The following LY6G6C variants were observed in gnomAD, a reference collection of about 807,000 sequenced individuals.
LY6G6C encodes the protein lymphocyte antigen 6 family member G6C.
In LY6G6C, 12 loss-of-function variants were observed where a neutral mutation model predicts 12.8. The observed-to-expected ratio is 0.94, with a 90% CI of 0.60 to 1.52. LY6G6C has a LOEUF of 1.52. Ranked by LOEUF, LY6G6C falls within the 40% of genes most tolerant of loss-of-function variation. LY6G6C has a pLI of 0.00. For synonymous variants in LY6G6C, 42 were observed against 61.6 expected (o/e 0.68, Z 1.49); for missense variants, 125 against 155.8 (o/e 0.80, Z 1.05).
chr6:31,718,915 A>G lies in LY6G6C; in HGVS notation c.*181T>C. ...TGGAAGGAAGTGGGAAGGGACCCAG[A>G]AAAAGGAGAGTGAAGGGTGTGAGGT... On this transcript the variant is annotated 3_prime_UTR_variant, in exon 3 of 3. Transcript: ENST00000375819. 1 of 604,366 alleles carries G rather than the reference A, an allele frequency of 1.7e-6. No individual in the cohort carries two copies. The highest frequency in any genetic ancestry group is 2.2e-5 in the South Asian group (1 of 46,274). 37.4% of individuals were successfully genotyped at this position (604,366 alleles called of 1,614,324 possible).
intron 2 of LY6G6C, 65 bp from the exon 3 acceptor site, chr6:31,719,375 C>T: frequency 7.5e-7 from 1 of 1,337,200 alleles, no homozygotes; most frequent in Non-Finnish European, 1.1e-6. Flanking sequence ...GTCCACCTCC[C>T]CACCCCATCC....
rs117184845 is a variant in LY6G6C at position 31,719,493 on chromosome 6, G to A, written c.164-183C>T. Among the ~76,000 whole-genome samples, 602 of 152,114 alleles carry A rather than the reference G, an allele frequency of 4.0e-3. 25 individuals carry two copies. In the South Asian group the frequency reaches 0.074, roughly 19 times the overall value. ...CCTTACCCACCACTCCCCCAGTCCT[G>A]GTTCTATCACTTGCTGGCCATGGAC... is the stretch of plus-strand genomic sequence containing the variant. On this transcript the variant is annotated intron_variant, in intron 2 of 2. Transcript: ENST00000375819.
In LY6G6C at chr6:31,719,273, T is replaced by C. The variant is rs1806653110; in HGVS notation, c.201A>G (p.Thr67=). 6.2e-7 allele frequency: 1 copy of C among 1,614,108 alleles called. No homozygotes were observed. The highest frequency in any genetic ancestry group is 1.3e-5 in the African/African-American group (1 of 75,014). The change falls in exon 3 of 3, where the codon ACA becomes ACG. Residue 67 remains threonine, a synonymous_variant. Coordinates refer to ENST00000375819, the MANE Select transcript of LY6G6C (RefSeq NM_025261.3). The part of the protein sequence containing the change: ...MWVFSNLRCG[T]PEEPCQEAFN... ...AGGCCTCCTGACAGGGCTCTTCTGG[T>C]GTGCCACAGCGCAGATTGGAGAAAA...
chr6:31,721,682 C>A lies in LY6G6C; in HGVS notation c.-3G>T. 1 of 1,613,834 alleles carries A rather than the reference C, an allele frequency of 6.2e-7. No individual in the cohort carries two copies. Among genetic ancestry groups the A allele is most frequent in the Middle Eastern group, 1.7e-4 (1 of 6,058 alleles). ...GTGAGCAGCATAAGGGCTTTCATGG[C>A]GAGGGTCCTGAGAATGGTGGCAACC... On this transcript the variant is annotated 5_prime_UTR_variant, in exon 1 of 3. Transcript: ENST00000375819.
In LY6G6C at chr6:31,719,243, G is replaced by T. The variant is rs1806649977; in HGVS notation, c.231C>A (p.Asn77Lys). The T allele has an allele frequency of 6.2e-7, 1 of 1,614,090 alleles. No homozygotes were observed. Among genetic ancestry groups the T allele is most frequent in the Admixed American group, 1.7e-5 (1 of 60,012 alleles). Residue 77 changes from asparagine (N) to lysine (K), a missense_variant, in exon 3 of 3, where the codon AAC becomes AAA. By Grantham distance (94) the Asn-to-Lys change is moderately conservative. Transcript: ENST00000375819. ...TPEEPCQEAF[N>K]QTNRKLGLTY... ...TCAGACCCAGCTTGCGGTTGGTTTG[G>T]TTGAAGGCCTCCTGACAGGGCTCTT...
chr6:31,720,476 C>T lies in LY6G6C; in HGVS notation c.53-273G>A, dbSNP rs1806722475. ...CCGTTTGGAGGTGAGTCAAGAGGGACAGAACTATGAAGAAAAACATGGGGC... is the reference window on the plus strand; with the variant it reads ...CCGTTTGGAGGTGAGTCAAGAGGGATAGAACTATGAAGAAAAACATGGGGC... On this transcript the variant is annotated intron_variant, in intron 1 of 2. Transcript: ENST00000375819. This position sits in a 1 kb window ranked among gnomAD's most constrained non-coding sequence, Gnocchi z 4.9. 6.6e-6 allele frequency among the ~76,000 whole-genome samples: 1 copy of T among 151,964 alleles called. No individual in the cohort carries two copies. The highest frequency in any genetic ancestry group is 1.5e-5 in the Non-Finnish European group (1 of 68,016).
rs2151294562 is a variant in LY6G6C at position 31,720,575 on chromosome 6, A to G, written c.53-372T>C. Among the ~76,000 whole-genome samples the G allele has an allele frequency of 6.6e-6, 1 of 152,294 alleles. No homozygotes were observed. Among genetic ancestry groups the G allele is most frequent in the Non-Finnish European group, 1.5e-5 (1 of 68,018 alleles). On this transcript the variant is annotated intron_variant, in intron 1 of 2. Transcript: ENST00000375819. The surrounding 1 kb of genome is among the most constrained non-coding windows in gnomAD (Gnocchi z 4.9). ...TGGTGAAGGAGGAGATGGAAACTTGAAAGAAGGAGAAATAATAAAAATGAA... is the reference window on the plus strand; with the variant it reads ...TGGTGAAGGAGGAGATGGAAACTTGGAAGAAGGAGAAATAATAAAAATGAA...
At position 31,719,057 on chromosome 6, in the gene LY6G6C, C is replaced by G. The variant is rs1275210261; in HGVS notation, c.*39G>C. 1.3e-6 allele frequency: 2 copies of G among 1,569,494 alleles called. No homozygotes were observed. ...GAGACACAGGGAGAGAGGCTCAGGC[C>G]AAGGCAGGTGGGAGGAGGGGCAGCC... On this transcript the variant is annotated 3_prime_UTR_variant, in exon 3 of 3. Transcript: ENST00000375819.
chr6:31,721,552 G>T, intron 1 of LY6G6C, 76 bp downstream of exon 1: 1 of 1,395,458 alleles, frequency 7.2e-7, no homozygotes, highest in South Asian at 1.2e-5. Context: ...TGGTGGGTAG[G>T]GCCGGGAAGT....
chr6:31,719,872 A>T (rs1806691189), intron 2 of LY6G6C, among the ~76,000 whole-genome samples: 1 of 152,136 alleles, frequency 6.6e-6, no homozygotes, highest in Admixed American at 6.5e-5. Flanking sequence ...TTTTCTCAGT[A>T]TAATAATAGC....
At position 31,720,423 on chromosome 6, in the gene LY6G6C, C is replaced by G. The variant is rs376510; in HGVS notation, c.53-220G>C. ...GAGCTGTTGCTTTGTGAAAGGCCCA[C>G]GCCCTACATATCTTCCATCACTCCA... On this transcript the variant is annotated intron_variant, in intron 1 of 2. Coordinates refer to ENST00000375819, the MANE Select transcript of LY6G6C (RefSeq NM_025261.3). The surrounding 1 kb of genome is among the most constrained non-coding windows in gnomAD (Gnocchi z 4.9). Among the ~76,000 whole-genome samples, 4 of 152,114 alleles carry G rather than the reference C, an allele frequency of 2.6e-5. No individual in the cohort carries two copies. Among genetic ancestry groups the G allele is most frequent in the East Asian group, 1.9e-4 (1 of 5,196 alleles).
chr6:31,719,235 T>C lies in LY6G6C; in HGVS notation c.239A>G (p.Asn80Ser), dbSNP rs766418540. 12 of 1,613,916 alleles carry C rather than the reference T, an allele frequency of 7.4e-6. No homozygotes were observed. The African/African-American group carries it at 1.3e-4, about 18-fold the overall frequency. Residue 80 changes from asparagine to serine, a missense_variant, in exon 3 of 3, where the codon AAC (asparagine) becomes AGC (serine). By Grantham distance (46) the Asn-to-Ser change is conservative (BLOSUM62 1). Coordinates refer to ENST00000375819, the MANE Select transcript of LY6G6C (RefSeq NM_025261.3). ...EPCQEAFNQT[N>S]RKLGLTYNTT... ...GTTATATGTCAGACCCAGCTTGCGG[T>C]TGGTTTGGTTGAAGGCCTCCTGACA...
chr6:31,720,236 G>T lies in LY6G6C; in HGVS notation c.53-33C>A. On this transcript the variant is annotated intron_variant, in intron 1 of 2. Coordinates refer to ENST00000375819, the MANE Select transcript of LY6G6C (RefSeq NM_025261.3). This position sits in a 1 kb window ranked among gnomAD's most constrained non-coding sequence, Gnocchi z 4.9. ...GACACAAGTCAGGCTGAGGTGATGG[G>T]GTCTCTGACTTACCTGGGGATAAGC... 1 of 1,504,260 alleles carries T rather than the reference G, an allele frequency of 6.6e-7. No homozygotes were observed. Among genetic ancestry groups the T allele is most frequent in the Non-Finnish European group, 9.2e-7 (1 of 1,081,788 alleles). The allele number at this position is 1,504,260 out of a possible 1,614,324, so 93.2% of individuals were successfully genotyped here.
In LY6G6C at chr6:31,718,839, C is replaced by G; in HGVS notation, c.*257G>C. On this transcript the variant is annotated 3_prime_UTR_variant, in exon 3 of 3. Transcript: ENST00000375819. Reference sequence around the variant, plus strand: ...CAATCCCTCCTCAAGTAGGGGACAGCAGAGTATAGGAAGCAAAGTGGGGAG... The same window carrying G: ...CAATCCCTCCTCAAGTAGGGGACAGGAGAGTATAGGAAGCAAAGTGGGGAG... The G allele has an allele frequency of 1.8e-6, 1 of 553,562 alleles. No individual in the cohort carries two copies. Among genetic ancestry groups the G allele is most frequent in the Non-Finnish European group, 3.2e-6 (1 of 310,858 alleles). 34.3% of individuals were successfully genotyped at this position (553,562 alleles called of 1,614,324 possible).
At position 31,718,779 on chromosome 6, in the gene LY6G6C, G is replaced by A. The variant is rs1464265332; in HGVS notation, c.*317C>T. The stretch of plus-strand genomic sequence containing the variant: ...AGGTCCTTGTGGGAGCCTTCACTGG[G>A]GACAACACAGAAGCCCCATTTCAGG... On this transcript the variant is annotated 3_prime_UTR_variant, in exon 3 of 3. Transcript: ENST00000375819. 5 of 461,390 alleles carry A rather than the reference G, an allele frequency of 1.1e-5. No homozygotes were observed. The highest frequency in any genetic ancestry group is 7.8e-6 in the Non-Finnish European group (2 of 257,434). The allele number at this position is 461,390 out of a possible 1,614,324, so 28.6% of individuals were successfully genotyped here.
At chr6:31,721,584 TC>T (rs1806789528) in intron 1 of LY6G6C, 43 bp downstream of exon 1, 1 of 1,589,612 alleles carries the variant, frequency 6.3e-7, no homozygotes, top group Admixed American at 1.7e-5. Flanking sequence ...GGTGTAAAGG[TC>T]CTGACCAGGC....
intron 2 of LY6G6C, 42 bp from the exon 3 acceptor site, chr6:31,719,352 C>G: frequency 6.4e-7 from 1 of 1,569,410 alleles, no homozygotes; most frequent in Non-Finnish European, 8.8e-7. Flanking sequence ...GGATGGGCAC[C>G]TGGCATGCCT....
intron 2 of LY6G6C, 123 bp from the exon 3 acceptor site, chr6:31,719,433 T>C: frequency 1.3e-6 from 1 of 746,026 alleles, no homozygotes; most frequent in Non-Finnish European, 2.3e-6. Flanking sequence ...GGCCCTCCCC[T>C]TCTCTTTTCT....
Position 31,719,250 on chromosome 6 carries a change from G to A in LY6G6C, c.224C>T (p.Ala75Val). The A allele has an allele frequency of 6.2e-7, 1 of 1,614,212 alleles. No individual in the cohort carries two copies. The highest frequency in any genetic ancestry group is 8.5e-7 in the Non-Finnish European group (1 of 1,180,036). ...CGTPEEPCQE[A>V]FNQTNRKLGL... ...CAGCTTGCGGTTGGTTTGGTTGAAG[G>A]CCTCCTGACAGGGCTCTTCTGGTGT... Residue 75 changes from alanine (A) to valine (V), a missense_variant, in exon 3 of 3, where the codon GCC (alanine) becomes GTC (valine). By Grantham distance (64) the Ala-to-Val change is moderately conservative (BLOSUM62 0). Transcript: ENST00000375819.
Sources: gnomAD v4.1 joint callset for allele counts (sites outside exome capture counted in the v4.1 genomes callset) on GRCh38, gnomAD v4.1.1 for gene constraint, Gnocchi (gnomAD v3.1) non-coding constraint, MANE v1.5 for transcripts, NCBI Gene and HGNC (gene_info 2026-07-23, HGNC 2026-07-21) for gene names.